Variants in LRRC7 observed in about 807,000 individuals in gnomAD.
LRRC7 encodes leucine-rich repeat-containing protein 7.
A neutral mutation model predicts 175.7 loss-of-function variants in LRRC7; 23 were observed. The observed-to-expected ratio is 0.13, with a 90% CI of 0.09 to 0.19. LRRC7 has a LOEUF of 0.19. Ranked by LOEUF, LRRC7 falls within the 10% of genes least tolerant of loss-of-function variation. LRRC7 has a pLI of 1.00. For synonymous variants in LRRC7, 685 were observed against 680.9 expected, an observed-to-expected ratio of 1.01 and a Z score of -0.09; for missense variants, 1,354 against 1,904.7, an observed-to-expected ratio of 0.71 and a Z score of 5.38.
chr1:70,075,396 C>T (rs950327334), intron 23 of LRRC7, among the ~76,000 whole-genome samples: 1 of 152,150 alleles, frequency 6.6e-6, no homozygotes, highest in Non-Finnish European at 1.5e-5. Flanking sequence ...ACCCTCTCTC[C>T]TCCACCTTTA....
chr1:69,939,750 A>G (rs564343834), intron 8 of LRRC7, among the ~76,000 whole-genome samples: 8 of 152,244 alleles, frequency 5.3e-5, no homozygotes, highest in African/African-American at 1.9e-4. Flanking sequence ...CCAGCTCCCA[A>G]CTGGTACTTG....
At chr1:70,067,848 A>T (rs1662094359) in intron 23 of LRRC7, among the ~76,000 whole-genome samples, 1 of 152,044 alleles carries the variant, frequency 6.6e-6, no homozygotes, top group Non-Finnish European at 1.5e-5. Flanking sequence ...CTTAATTTGT[A>T]CCTAAGTATT....
chr1:69,742,691 G>A (rs1334332034), intron 2 of LRRC7, among the ~76,000 whole-genome samples: 1 of 151,780 alleles, frequency 6.6e-6, no homozygotes, highest in Non-Finnish European at 1.5e-5. Context: ...GAAAAATAGG[G>A]TAACTATTAT....
At chr1:69,744,444 G>T (rs1404464540) in intron 2 of LRRC7, among the ~76,000 whole-genome samples, 3 of 151,830 alleles carry the variant, frequency 2.0e-5, no homozygotes, top group African/African-American at 7.2e-5. Flanking sequence ...TAGTTAATGA[G>T]AAATAAGGCA....
chr1:69,746,568 CTTTG>C lies in LRRC7; in HGVS notation c.101-13619_101-13616del, dbSNP rs754109733. Among the ~76,000 whole-genome samples the C allele has an allele frequency of 1.6e-3, 242 of 152,012 alleles. 1 individual carries two copies. Among genetic ancestry groups the C allele is most frequent in the Non-Finnish European group, 2.2e-3 (148 of 67,930 alleles). On this transcript the variant is annotated intron_variant, in intron 2 of 26. Coordinates refer to ENST00000651989, the MANE Select transcript of LRRC7 (RefSeq NM_001370785.2). ...ATTCCAAACAAAATTTATATATTTGCTTTGTTTATTTATTCATTTATCTGTACAA... is the reference window on the plus strand; with the variant it reads ...ATTCCAAACAAAATTTATATATTTGCTTTATTTATTCATTTATCTGTACAA...
chr1:69,956,371 G>A (rs1650485358), intron 8 of LRRC7, among the ~76,000 whole-genome samples: 1 of 151,798 alleles, frequency 6.6e-6, no homozygotes, highest in African/African-American at 2.4e-5. Context: ...AGCTGCATAT[G>A]GGATTGGTGC....
chr1:70,104,503 C>T (rs1665012377), intron 25 of LRRC7, among the ~76,000 whole-genome samples: 2 of 152,198 alleles, frequency 1.3e-5, no homozygotes, highest in South Asian at 4.1e-4. Flanking sequence ...TTGCTTTCTG[C>T]TTGGATTAAT....
intron 4 of LRRC7, among the ~76,000 whole-genome samples, chr1:69,805,293 G>A (rs1279864014): frequency 6.6e-6 from 1 of 151,698 alleles, no homozygotes; most frequent in East Asian, 1.9e-4. Context: ...GCTAGAAAAA[G>A]CATATATGGG....
intron 7 of LRRC7, among the ~76,000 whole-genome samples, chr1:69,870,867 C>T (rs1236440893): frequency 6.6e-6 from 1 of 152,010 alleles, no homozygotes; most frequent in Non-Finnish European, 1.5e-5. Flanking sequence ...AACATATCAA[C>T]AAAATATTTG....
At chr1:69,864,096 CAG>C (rs1192493047) in intron 7 of LRRC7, among the ~76,000 whole-genome samples, 1 of 152,148 alleles carries the variant, frequency 6.6e-6, no homozygotes, top group African/African-American at 2.4e-5. Context: ...AAAGCTCTTT[CAG>C]AAAGCCTTTT....
chr1:69,909,467 G>T (rs12082122), intron 7 of LRRC7, among the ~76,000 whole-genome samples: 14,729 of 152,014 alleles, frequency 0.097, 911 homozygotes, highest in Middle Eastern at 0.18. Context: ...GCAGGCCTGG[G>T]GGTGACAAAA....
intron 7 of LRRC7, among the ~76,000 whole-genome samples, chr1:69,913,005 A>T (rs966703701): frequency 6.6e-6 from 1 of 152,218 alleles, no homozygotes; most frequent in East Asian, 1.9e-4. Flanking sequence ...CATAGGAAAG[A>T]AAACTTTTTC....
intron 11 of LRRC7, among the ~76,000 whole-genome samples, chr1:70,008,057 C>T (rs1326756538): frequency 3.3e-5 from 5 of 152,080 alleles, no homozygotes; most frequent in African/African-American, 1.2e-4. Context: ...TATTAACTTA[C>T]ACGATGACAA....
At chr1:69,720,775 T>C (rs1666259467) in intron 2 of LRRC7, among the ~76,000 whole-genome samples, 1 of 151,876 alleles carries the variant, frequency 6.6e-6, no homozygotes, top group Non-Finnish European at 1.5e-5. Context: ...AATCTTATTG[T>C]TGCTCCTTTG....
intron 2 of LRRC7, among the ~76,000 whole-genome samples, chr1:69,741,019 A>C (rs761226842): frequency 6.6e-6 from 1 of 151,978 alleles, no homozygotes; most frequent in African/African-American, 2.4e-5. Flanking sequence ...TTAAGTATCC[A>C]TTATATGTAC....
Position 69,658,528 on chromosome 1 carries a change from A to G in LRRC7, c.3-19853A>G, listed in dbSNP as rs1226726073. 2.6e-5 allele frequency among the ~76,000 whole-genome samples: 4 copies of G among 152,160 alleles called. No individual in the cohort carries two copies. In the East Asian group the frequency reaches 7.7e-4, roughly 29 times the overall value. ...AAGAATTGAAGGTAGATTTAACTGT[A>G]GAACTTCAGCTCCTGTTTTAGTGGC... On this transcript the variant is annotated intron_variant, in intron 1 of 26. Coordinates refer to ENST00000651989, the MANE Select transcript of LRRC7 (RefSeq NM_001370785.2).
intron 7 of LRRC7, among the ~76,000 whole-genome samples, chr1:69,921,738 C>T (rs993996802): frequency 4.6e-5 from 7 of 152,140 alleles, no homozygotes; most frequent in Non-Finnish European, 1.0e-4. Flanking sequence ...TGTGAGCTTT[C>T]TAAAATAAAA....
intron 1 of LRRC7, chr1:69,607,103 A>G (rs563252738): frequency 6.6e-6 from 1 of 152,200 alleles, no homozygotes; most frequent in Non-Finnish European, 1.5e-5. Context: ...AGCGATGCGA[A>G]TTTTTGTTGG....
chr1:69,628,550 C>T (rs1304638435), intron 1 of LRRC7, among the ~76,000 whole-genome samples: 1 of 152,044 alleles, frequency 6.6e-6, no homozygotes, highest in African/African-American at 2.4e-5. Context: ...TCAGTTTTTC[C>T]CAGCCTGATC....
Sources: gnomAD v4.1 joint callset for allele counts (sites outside exome capture counted in the v4.1 genomes callset) on GRCh38, gnomAD v4.1.1 for gene constraint, MANE v1.5 for transcripts, NCBI Gene and HGNC (gene_info 2026-07-23, HGNC 2026-07-21) for gene names.